PRELID2: variants seen among roughly 807,000 people sequenced by gnomAD.
PRELID2 encodes PRELI domain-containing protein 2.
In PRELID2, 25 loss-of-function variants were observed where a neutral mutation model predicts 28.4. The ratio of observed to expected loss-of-function variants is 0.88; its 90% confidence interval spans 0.64 to 1.23. PRELID2 has a LOEUF of 1.23. PRELID2 is among the 50% of genes most tolerant of loss of function. The pLI is 0.00. For missense variants in PRELID2, 201 were observed against 214.4 expected, an observed-to-expected ratio of 0.94 and a Z score of 0.39; for synonymous variants, 76 against 71.6, an observed-to-expected ratio of 1.06 and a Z score of -0.31.
intron 1 of PRELID2, among the ~76,000 whole-genome samples, chr5:145,570,619 T>C (rs1412551479): frequency 6.6e-6 from 1 of 152,188 alleles, no homozygotes; most frequent in Non-Finnish European, 1.5e-5. Context: ...TTAATCATAT[T>C]AGCTCCACCT....
chr5:145,665,248 A>G (rs1211504701), intron 1 of PRELID2, among the ~76,000 whole-genome samples: 1 of 152,120 alleles, frequency 6.6e-6, no homozygotes, highest in Non-Finnish European at 1.5e-5. Flanking sequence ...CATATCAACT[A>G]CTTACTGAAT....
At chr5:145,284,405 T>C in the PRELID2 span, among the ~76,000 whole-genome samples, 1 of 152,274 alleles carries the variant, frequency 6.6e-6, no homozygotes, top group African/African-American at 2.4e-5. Flanking sequence ...TTTTTTGCCG[T>C]GACTCTTTTC....
chr5:145,320,427 C>A, the PRELID2 span, among the ~76,000 whole-genome samples: 1 of 152,166 alleles, frequency 6.6e-6, no homozygotes, highest in Non-Finnish European at 1.5e-5. Context: ...CCCGCCACTA[C>A]GCCCGGCTAA....
intron 1 of PRELID2, among the ~76,000 whole-genome samples, chr5:145,516,720 C>T (rs900280998): frequency 1.1e-4 from 17 of 152,140 alleles, no homozygotes; most frequent in East Asian, 1.9e-4. Context: ...AGGCACCACA[C>T]GACCTGATGT....
In PRELID2 at chr5:145,602,203, C is replaced by T. The variant is rs571164692; in HGVS notation, n.71-128888G>A. Among the ~76,000 whole-genome samples, 21 of 152,286 alleles carry T rather than the reference C, an allele frequency of 1.4e-4. 1 individual carries two copies. The Middle Eastern group carries it at 0.024, about 173-fold the overall frequency. On this transcript the variant is annotated intron_variant and non_coding_transcript_variant, in intron 1 of 2. Transcript: ENST00000510259. ...GGAGTTATGGGTAAAATAACTCAAG[C>T]ACCTGCTTTAGGTGACCTCACAAAG...
At chr5:145,279,184 G>T in the PRELID2 span, among the ~76,000 whole-genome samples, 1 of 152,078 alleles carries the variant, frequency 6.6e-6, no homozygotes, top group African/African-American at 2.4e-5. Flanking sequence ...CTTTCAATTG[G>T]CATTGCTTTC....
chr5:145,826,947 T>C (rs945480090), intron 1 of PRELID2, among the ~76,000 whole-genome samples: 1 of 152,206 alleles, frequency 6.6e-6, no homozygotes, highest in African/African-American at 2.4e-5. Context: ...CCAATGCCTT[T>C]TTTTAATAAC....
chr5:145,792,808 A>T (rs116508365), intron 5 of PRELID2, among the ~76,000 whole-genome samples: 1,760 of 152,322 alleles, frequency 0.012, 54 homozygotes, highest in Admixed American at 0.069. Flanking sequence ...GAAAACTAAA[A>T]CATATTTTGT....
At chr5:145,250,834 T>C in the PRELID2 span, among the ~76,000 whole-genome samples, 3 of 152,080 alleles carry the variant, frequency 2.0e-5, no homozygotes, top group Non-Finnish European at 4.4e-5. Context: ...GCAATCACTT[T>C]TGGGAGGTTA....
At chr5:145,377,908 T>A in the PRELID2 span, among the ~76,000 whole-genome samples, 1 of 152,144 alleles carries the variant, frequency 6.6e-6, no homozygotes, top group Non-Finnish European at 1.5e-5. Context: ...TGTTGGCTGG[T>A]TATTTTGCAG....
chr5:145,424,324 C>T, the PRELID2 span, among the ~76,000 whole-genome samples: 13 of 152,310 alleles, frequency 8.5e-5, no homozygotes, highest in South Asian at 1.0e-3. Flanking sequence ...GGCGGGCGCC[C>T]CTCCCCCAGC....
chr5:145,791,284 G>A (rs1201370344), intron 5 of PRELID2, among the ~76,000 whole-genome samples: 1 of 152,100 alleles, frequency 6.6e-6, no homozygotes, highest in East Asian at 1.9e-4. Context: ...ACCTTGACAC[G>A]TGGGGATTAT....
intron 1 of PRELID2, among the ~76,000 whole-genome samples, chr5:145,608,432 G>C (rs1285965639): frequency 6.6e-6 from 1 of 152,120 alleles, no homozygotes; most frequent in Non-Finnish European, 1.5e-5. Context: ...TGTAAGGCTG[G>C]TCTGGTGGTA....
intron 1 of PRELID2, among the ~76,000 whole-genome samples, chr5:145,571,752 C>T (rs1054828735): frequency 6.6e-6 from 1 of 152,044 alleles, no homozygotes; most frequent in African/African-American, 2.4e-5. Flanking sequence ...GAGGCTGAGG[C>T]AGGTGGATCA....
chr5:145,813,993 A>G (rs947995451), intron 4 of PRELID2, among the ~76,000 whole-genome samples: 7 of 152,234 alleles, frequency 4.6e-5, no homozygotes, highest in South Asian at 2.1e-4. Flanking sequence ...CTAAGTTTCA[A>G]TGAGGAACAG....
the PRELID2 span, among the ~76,000 whole-genome samples, chr5:145,444,389 C>T: frequency 6.6e-6 from 1 of 151,982 alleles, no homozygotes; most frequent in Non-Finnish European, 1.5e-5. Flanking sequence ...GGTATTTCTG[C>T]AACAAATGTA....
chr5:145,415,865 C>T, the PRELID2 span, among the ~76,000 whole-genome samples: 3 of 151,760 alleles, frequency 2.0e-5, no homozygotes, highest in Admixed American at 1.3e-4. Context: ...CACTGACTTC[C>T]ACAATGGTTG....
the PRELID2 span, among the ~76,000 whole-genome samples, chr5:145,287,116 A>G: frequency 6.6e-6 from 1 of 152,158 alleles, no homozygotes; most frequent in Non-Finnish European, 1.5e-5. Flanking sequence ...ATCTCCTGTT[A>G]TCCATTGGGG....
the PRELID2 span, among the ~76,000 whole-genome samples, chr5:145,461,264 G>C: frequency 6.6e-6 from 1 of 152,082 alleles, no homozygotes; most frequent in Admixed American, 6.6e-5. Context: ...AATCTTTATT[G>C]CTCATCGACT....
Sources: allele counts gnomAD v4.1 joint callset (sites outside exome capture counted in the v4.1 genomes callset), GRCh38; gene constraint gnomAD v4.1.1; transcripts MANE v1.5; gene names NCBI Gene and HGNC (gene_info 2026-07-23, HGNC 2026-07-21).